Variants in STXBP5L observed in about 807,000 individuals in gnomAD.
STXBP5L encodes the protein syntaxin binding protein 5L, also known as syntaxin-binding protein 5-like.
A neutral mutation model predicts 144.5 loss-of-function variants in STXBP5L; 65 were observed. The ratio of observed to expected loss-of-function variants is 0.45; its 90% CI spans 0.37 to 0.55. The LOEUF (loss-of-function observed/expected upper bound fraction) is 0.55. STXBP5L is among the 20% of genes least tolerant of loss of function. STXBP5L has a pLI of 0.00. For missense variants in STXBP5L, 1,298 were observed against 1,405.5 expected (o/e 0.92, Z 1.22); for synonymous variants, 505 against 469.6 (o/e 1.08, Z -0.97).
At chr3:121,234,469 C>A (rs1391578221) in intron 12 of STXBP5L, among the ~76,000 whole-genome samples, 1 of 152,028 alleles carries the variant, frequency 6.6e-6, no homozygotes, top group Non-Finnish European at 1.5e-5. Flanking sequence ...TCTCATACCC[C>A]CCACATTTCT....
At chr3:121,403,014 G>C (rs2046918469) in intron 22 of STXBP5L, among the ~76,000 whole-genome samples, 1 of 152,080 alleles carries the variant, frequency 6.6e-6, no homozygotes, top group African/African-American at 2.4e-5. Context: ...ATTTTCTCTA[G>C]TCTCTTTAAA....
chr3:121,405,206 A>C (rs2046968705), intron 22 of STXBP5L, among the ~76,000 whole-genome samples: 1 of 152,106 alleles, frequency 6.6e-6, no homozygotes, highest in African/African-American at 2.4e-5. Context: ...GCTTTAACAT[A>C]TGATTTTTTT....
intron 3 of STXBP5L, among the ~76,000 whole-genome samples, chr3:120,958,299 A>G (rs1938290315): frequency 6.6e-6 from 1 of 152,202 alleles, no homozygotes; most frequent in African/African-American, 2.4e-5. Flanking sequence ...CCAGGACCAG[A>G]TGGATTCACA....
intron 20 of STXBP5L, among the ~76,000 whole-genome samples, chr3:121,369,477 AT>A (rs2045964314): frequency 6.6e-6 from 1 of 151,364 alleles, no homozygotes; most frequent in African/African-American, 2.4e-5. Context: ...ATTATTTTGA[AT>A]TCTTTGTCAG....
At chr3:120,962,304 G>A (rs963370979) in intron 3 of STXBP5L, among the ~76,000 whole-genome samples, 1 of 152,028 alleles carries the variant, frequency 6.6e-6, no homozygotes, top group Non-Finnish European at 1.5e-5. Flanking sequence ...GTCAATTTTG[G>A]CTTTTGTTGC....
At position 121,311,280 on chromosome 3, in the gene STXBP5L, G is replaced by C. The variant is rs144821751; in HGVS notation, c.2111-7195G>C. Among the ~76,000 whole-genome samples, 138 of 152,228 alleles carry C rather than the reference G, an allele frequency of 9.1e-4. 1 individual carries two copies. The highest frequency in any genetic ancestry group is 3.1e-3 in the African/African-American group (130 of 41,562). On this transcript the variant is annotated intron_variant, in intron 19 of 26. Coordinates refer to ENST00000471454, the MANE Select transcript of STXBP5L (RefSeq NM_001308330.2). ...AAGTTGCTACGGAGAATGCAAAATA[G>C]ACAGCCCCTGTCATTACCATAGTGG...
chr3:121,036,569 G>A (rs1216774684), intron 3 of STXBP5L, among the ~76,000 whole-genome samples: 1 of 151,960 alleles, frequency 6.6e-6, no homozygotes, highest in Non-Finnish European at 1.5e-5. Context: ...ATTATCCTAG[G>A]TAGAAAGTAT....
At chr3:121,397,270 G>A (rs999734004) in intron 22 of STXBP5L, among the ~76,000 whole-genome samples, 4 of 152,176 alleles carry the variant, frequency 2.6e-5, no homozygotes, top group African/African-American at 9.7e-5. Context: ...AGCAGGAGAA[G>A]GCAATCCTGG....
At chr3:120,950,791 T>A in intron 2 of STXBP5L, among the ~76,000 whole-genome samples, 1 of 152,058 alleles carries the variant, frequency 6.6e-6, no homozygotes, top group East Asian at 1.9e-4. Flanking sequence ...CTTCACAGAA[T>A]TGGAAAAAAC....
intron 5 of STXBP5L, among the ~76,000 whole-genome samples, chr3:121,055,355 T>C (rs1199834574): frequency 6.6e-6 from 1 of 152,148 alleles, no homozygotes; most frequent in South Asian, 2.1e-4. Flanking sequence ...TAAGTACTCT[T>C]ATGTTTATGC....
chr3:121,254,230 T>C (rs947713204), intron 15 of STXBP5L, among the ~76,000 whole-genome samples: 35 of 152,274 alleles, frequency 2.3e-4, no homozygotes, highest in African/African-American at 8.4e-4. Context: ...TTTTATAGAG[T>C]TATTATCATC....
At chr3:120,979,133 G>T (rs546123330) in intron 3 of STXBP5L, among the ~76,000 whole-genome samples, 1 of 152,350 alleles carries the variant, frequency 6.6e-6, no homozygotes, top group African/African-American at 2.4e-5. Flanking sequence ...TTGTTTGTCT[G>T]TGCCTTGCCA....
At position 121,301,940 on chromosome 3, in the gene STXBP5L, C is replaced by T. The variant is rs564350769; in HGVS notation, c.2111-16535C>T. ...AAGCGTTTTGATGTACTGCTGGATT[C>T]GGTTTGCCAGTATTTTACTGAGGAT... is the stretch of plus-strand genomic sequence containing the variant. On this transcript the variant is annotated intron_variant, in intron 19 of 26. Transcript: ENST00000471454. 3.1e-3 allele frequency among the ~76,000 whole-genome samples: 466 copies of T among 152,250 alleles called. 3 individuals carry two copies. The highest frequency in any genetic ancestry group is 0.01 in the African/African-American group (429 of 41,530).
chr3:121,191,931 C>A (rs1186992169), intron 9 of STXBP5L, among the ~76,000 whole-genome samples: 2 of 142,128 alleles, frequency 1.4e-5, no homozygotes, highest in African/African-American at 5.3e-5. Flanking sequence ...GAACATCACA[C>A]ACAGGGGCCT....
At chr3:121,020,986 A>T (rs1219974414) in intron 3 of STXBP5L, among the ~76,000 whole-genome samples, 1 of 152,112 alleles carries the variant, frequency 6.6e-6, no homozygotes, top group Non-Finnish European at 1.5e-5. Context: ...CAAAATGGAT[A>T]AGAATTTACC....
At chr3:121,206,314 G>A (rs770180057) in intron 10 of STXBP5L, among the ~76,000 whole-genome samples, 5 of 152,232 alleles carry the variant, frequency 3.3e-5, no homozygotes, top group East Asian at 1.9e-4. Context: ...CAGAAGCAAT[G>A]TGCCCGTTAA....
chr3:121,316,985 A>G (rs2043808647), intron 19 of STXBP5L, among the ~76,000 whole-genome samples: 2 of 152,210 alleles, frequency 1.3e-5, no homozygotes, highest in Admixed American at 1.3e-4. Flanking sequence ...GTGCCTAGAA[A>G]ACTCTTATAG....
intron 3 of STXBP5L, among the ~76,000 whole-genome samples, chr3:120,997,795 A>T (rs1156958260): frequency 6.6e-6 from 1 of 152,172 alleles, no homozygotes; most frequent in Non-Finnish European, 1.5e-5. Context: ...ACTTCAGGTC[A>T]ATATTGTCTT....
At chr3:121,296,859 AAT>A (rs1469077201) in intron 19 of STXBP5L, among the ~76,000 whole-genome samples, 6 of 152,202 alleles carry the variant, frequency 3.9e-5, no homozygotes. Flanking sequence ...CCAATCTCAG[AAT>A]TTTTCTGCAA....
Sources: allele counts gnomAD v4.1 joint callset (sites outside exome capture counted in the v4.1 genomes callset), GRCh38; gene constraint gnomAD v4.1.1; transcripts MANE v1.5; gene names NCBI Gene and HGNC (gene_info 2026-07-23, HGNC 2026-07-21).